Variants in CTNNA3 observed in about 807,000 individuals in gnomAD.
The protein encoded by CTNNA3 is catenin alpha 3.
A neutral mutation model predicts 95.7 loss-of-function variants in CTNNA3; 76 were observed. The observed-to-expected ratio is 0.79, with a 90% confidence interval of 0.66 to 0.96. CTNNA3 has a LOEUF of 0.96. Among genes scored for constraint, CTNNA3 ranks in the 40% least tolerant of loss-of-function variants. CTNNA3 has a pLI of 0.00. For missense variants in CTNNA3, 1,191 were observed against 1,089.8 expected (o/e 1.09, Z -1.31); for synonymous variants, 431 against 374.4 (o/e 1.15, Z -1.74).
intron 1 of CTNNA3, among the ~76,000 whole-genome samples, chr10:67,743,004 T>G (rs1006046521): frequency 2.0e-5 from 3 of 151,312 alleles, no homozygotes; most frequent in African/African-American, 7.3e-5. Context: ...ATTGAGGCAA[T>G]AATCAATAGC....
chr10:65,956,616 T>A (rs552193867), intron 17 of CTNNA3, among the ~76,000 whole-genome samples: 14 of 152,320 alleles, frequency 9.2e-5, no homozygotes, highest in Non-Finnish European at 1.8e-4. Context: ...TCAAAGAACA[T>A]CTTTATTTCT....
intron 3 of CTNNA3, among the ~76,000 whole-genome samples, chr10:67,571,633 G>A (rs1245256611): frequency 6.6e-6 from 1 of 152,158 alleles, no homozygotes; most frequent in African/African-American, 2.4e-5. Context: ...GGGTGCCCAA[G>A]TAGCAGAACC....
At chr10:67,352,889 A>G (rs181167784) in intron 5 of CTNNA3, among the ~76,000 whole-genome samples, 245 of 151,918 alleles carry the variant, frequency 1.6e-3, no homozygotes, top group Non-Finnish European at 2.2e-3. Flanking sequence ...TTTTTCCTTC[A>G]TCCTTTTTAT....
At position 66,548,693 on chromosome 10, in the gene CTNNA3, T is replaced by C. The variant is rs1432940589; in HGVS notation, c.1375-27920A>G. The stretch of plus-strand genomic sequence containing the variant: ...AATATTTTAGTATTTTGTAAATTCA[T>C]ATGTTTAATTAAATCAATTAAAAAT... On this transcript the variant is annotated intron_variant, in intron 10 of 17. Coordinates refer to ENST00000433211, the MANE Select transcript of CTNNA3 (RefSeq NM_013266.4). 3.9e-5 allele frequency among the ~76,000 whole-genome samples: 6 copies of C among 152,150 alleles called. No individual in the cohort carries two copies. In the East Asian group the frequency reaches 9.6e-4, roughly 24 times the overall value.
chr10:66,900,489 G>T (rs547306445), intron 7 of CTNNA3, among the ~76,000 whole-genome samples: 1 of 152,220 alleles, frequency 6.6e-6, no homozygotes, highest in South Asian at 2.1e-4. Flanking sequence ...ACAGCTCCTC[G>T]CCAGCAATGG....
chr10:66,851,675 A>T, intron 7 of CTNNA3, among the ~76,000 whole-genome samples: 1 of 122,542 alleles, frequency 8.2e-6, no homozygotes, highest in South Asian at 3.0e-4. Flanking sequence ...CACACACGCC[A>T]TGTGATATGC....
chr10:66,362,962 A>G (rs2092687167), intron 12 of CTNNA3, among the ~76,000 whole-genome samples: 1 of 152,168 alleles, frequency 6.6e-6, no homozygotes, highest in South Asian at 2.1e-4. Flanking sequence ...GAAAAGGAAA[A>G]CATCTTTAAA....
At chr10:66,319,421 T>C (rs545812450) in intron 12 of CTNNA3, among the ~76,000 whole-genome samples, 12 of 152,234 alleles carry the variant, frequency 7.9e-5, no homozygotes, top group African/African-American at 2.6e-4. Flanking sequence ...CATGCGATGT[T>C]GGTCAGTAAG....
In CTNNA3 at chr10:67,180,479, T is replaced by C. The variant is rs1862480275; in HGVS notation, c.885A>G (p.Glu295=). ...VLNPLTVTEE[E]IRPSLEKRLE... ...GGCGTTTCTCTAGTGATGGTCGTAT[T>C]TCCTCCTCAGTTACTGTGAGTGGAT... is the stretch of plus-strand genomic sequence containing the variant. The change falls in exon 7 of 18, where the codon GAA becomes GAG. Residue 295 remains glutamate (E), a synonymous_variant. Coordinates refer to ENST00000433211, the MANE Select transcript of CTNNA3 (RefSeq NM_013266.4). The C allele has an allele frequency of 1.9e-6, 3 of 1,613,754 alleles. No individual in the cohort carries two copies. In the South Asian group the frequency reaches 3.3e-5, roughly 18 times the overall value.
intron 12 of CTNNA3, among the ~76,000 whole-genome samples, chr10:66,284,280 G>A (rs763355423): frequency 2.0e-5 from 3 of 151,884 alleles, no homozygotes; most frequent in Non-Finnish European, 4.4e-5. Flanking sequence ...TTAGATGCAT[G>A]TCTCATAATC....
chr10:67,462,531 G>A (rs117133771), intron 5 of CTNNA3, among the ~76,000 whole-genome samples: 72 of 152,288 alleles, frequency 4.7e-4, no homozygotes, highest in Middle Eastern at 3.4e-3. Flanking sequence ...GGGAAAGAAA[G>A]AAGCAGAAAG....
chr10:67,530,288 T>C (rs1054579844), intron 4 of CTNNA3, among the ~76,000 whole-genome samples: 3 of 152,042 alleles, frequency 2.0e-5, no homozygotes, highest in Admixed American at 1.3e-4. Flanking sequence ...GAAGAAGACA[T>C]GAAAATGTGG....
intron 12 of CTNNA3, among the ~76,000 whole-genome samples, chr10:66,329,624 A>G (rs2092300657): frequency 6.6e-6 from 1 of 152,052 alleles, no homozygotes; most frequent in East Asian, 1.9e-4. Flanking sequence ...ATGTCAAAAT[A>G]AAATGAAAGA....
chr10:66,622,254 T>C (rs995329195), intron 9 of CTNNA3, among the ~76,000 whole-genome samples: 5 of 152,180 alleles, frequency 3.3e-5, no homozygotes, highest in Non-Finnish European at 7.3e-5. Flanking sequence ...GCATCAAATA[T>C]ACTACAAAGC....
At chr10:66,000,609 A>G (rs1451724770) in intron 15 of CTNNA3, among the ~76,000 whole-genome samples, 2 of 152,164 alleles carry the variant, frequency 1.3e-5, no homozygotes, top group African/African-American at 4.8e-5. Flanking sequence ...TTTGATGTTT[A>G]TATAGAATAA....
At chr10:67,286,269 T>C (rs1263477418) in intron 5 of CTNNA3, among the ~76,000 whole-genome samples, 1 of 152,212 alleles carries the variant, frequency 6.6e-6, no homozygotes, top group Non-Finnish European at 1.5e-5. Context: ...ATGACAGCTA[T>C]ATTCAATCTA....
At chr10:66,160,457 A>C (rs2084782770) in intron 13 of CTNNA3, among the ~76,000 whole-genome samples, 1 of 152,046 alleles carries the variant, frequency 6.6e-6, no homozygotes, top group Non-Finnish European at 1.5e-5. Flanking sequence ...ATTCAGGAGC[A>C]GGTTATTTAA....
chr10:67,441,738 A>G (rs1362254604), intron 5 of CTNNA3, among the ~76,000 whole-genome samples: 4 of 152,150 alleles, frequency 2.6e-5, no homozygotes, highest in Non-Finnish European at 5.9e-5. Context: ...TGAAGGAGAA[A>G]TACTTTCCTG....
At chr10:66,342,738 A>G (rs1280200688) in intron 12 of CTNNA3, among the ~76,000 whole-genome samples, 5 of 152,080 alleles carry the variant, frequency 3.3e-5, no homozygotes, top group African/African-American at 1.2e-4. Context: ...GGACTACTTT[A>G]GGTAATGTTG....
Sources: allele counts gnomAD v4.1 joint callset (sites outside exome capture counted in the v4.1 genomes callset), GRCh38; gene constraint gnomAD v4.1.1; transcripts MANE v1.5; gene names NCBI Gene and HGNC (gene_info 2026-07-23, HGNC 2026-07-21).